The following PLEKHG7 variants were observed in gnomAD, a reference collection of about 807,000 sequenced individuals.
The protein encoded by PLEKHG7 is pleckstrin homology and RhoGEF domain containing G7.
Under a neutral mutation model 85.2 loss-of-function variants are expected in PLEKHG7, and 77 were observed. The observed-to-expected ratio is 0.90, with a 90% CI of 0.75 to 1.09. The LOEUF is 1.09. Ranked by LOEUF, PLEKHG7 falls within the 50% of genes least tolerant of loss-of-function variation. The pLI, the probability that PLEKHG7 is intolerant of heterozygous loss-of-function variation, is 0.00. For synonymous variants in PLEKHG7, 301 were observed against 302.4 expected (o/e 1.00, Z 0.05); for missense variants, 777 against 804.3 (o/e 0.97, Z 0.41).
chr12:92,726,240 G>A (rs1871813195), intron 3 of PLEKHG7, among the ~76,000 whole-genome samples: 1 of 152,158 alleles, frequency 6.6e-6, no homozygotes, highest in Non-Finnish European at 1.5e-5. Flanking sequence ...AATGGAAAGA[G>A]CAGAGGAAGG....
intron 14 of PLEKHG7, among the ~76,000 whole-genome samples, chr12:92,762,094 T>A (rs1432142598): frequency 6.6e-6 from 1 of 152,188 alleles, no homozygotes; most frequent in African/African-American, 2.4e-5. Flanking sequence ...TTAGAACAAC[T>A]TAATCTATAT....
At chr12:92,715,101 A>G (rs963649519) in intron 3 of PLEKHG7, among the ~76,000 whole-genome samples, 3 of 152,168 alleles carry the variant, frequency 2.0e-5, no homozygotes, top group Non-Finnish European at 4.4e-5. Context: ...CATGATCACG[A>G]GGTCCCACAA....
chr12:92,735,645 C>G (rs191188221), intron 5 of PLEKHG7, among the ~76,000 whole-genome samples: 4 of 152,272 alleles, frequency 2.6e-5, no homozygotes, highest in Admixed American at 2.0e-4. Flanking sequence ...GTAAAATGAA[C>G]TCTTTAAGTG....
chr12:92,766,036 C>G (rs1292621026), intron 15 of PLEKHG7, among the ~76,000 whole-genome samples: 1 of 152,170 alleles, frequency 6.6e-6, no homozygotes, highest in Non-Finnish European at 1.5e-5. Flanking sequence ...CCAAGCCAGA[C>G]AGCAGTTCAG....
intron 3 of PLEKHG7, among the ~76,000 whole-genome samples, chr12:92,721,062 T>C (rs940706073): frequency 1.3e-5 from 2 of 152,184 alleles, no homozygotes; most frequent in African/African-American, 2.4e-5. Flanking sequence ...ATAAGAACAG[T>C]AATATCCACT....
At chr12:92,707,990 A>G (rs1369593278) in intron 3 of PLEKHG7, 2 of 403,498 alleles carry the variant, frequency 5.0e-6, no homozygotes, top group Non-Finnish European at 8.9e-6. Flanking sequence ...GAAAATAGAA[A>G]GGCCAGAGAT....
At chr12:92,715,058 AG>A (rs1871442666) in intron 3 of PLEKHG7, among the ~76,000 whole-genome samples, 1 of 152,070 alleles carries the variant, frequency 6.6e-6, no homozygotes, top group Non-Finnish European at 1.5e-5. Flanking sequence ...ATAGATAGAT[AG>A]ATAGATAAAG....
intron 16 of PLEKHG7, among the ~76,000 whole-genome samples, chr12:92,769,710 C>G (rs1873344204): frequency 6.6e-6 from 1 of 152,222 alleles, no homozygotes. Context: ...CCCTCAGTCT[C>G]TTTCAAGTTA....
intron 3 of PLEKHG7, among the ~76,000 whole-genome samples, chr12:92,727,413 C>T (rs138061145): frequency 6.6e-6 from 1 of 152,154 alleles, no homozygotes; most frequent in Non-Finnish European, 1.5e-5. Flanking sequence ...ACTTCCCTCC[C>T]ACCTCACCCC....
At chr12:92,749,957 A>ATATTTTATTT (rs5800081) in intron 10 of PLEKHG7, among the ~76,000 whole-genome samples, 1 of 121,154 alleles carries the variant, frequency 8.3e-6, no homozygotes, top group Non-Finnish European at 1.7e-5. Flanking sequence ...ATTTTATTTT[A>ATATTTTATTT]TATTTTATTT....
chr12:92,744,812 C>G (rs1336112008), intron 9 of PLEKHG7, among the ~76,000 whole-genome samples: 1 of 151,966 alleles, frequency 6.6e-6, no homozygotes, highest in South Asian at 2.1e-4. Context: ...ACTACAGGCC[C>G]ATGCTGCCAT....
chr12:92,734,570 A>T (rs1565790743), intron 5 of PLEKHG7, among the ~76,000 whole-genome samples: 1 of 152,230 alleles, frequency 6.6e-6, no homozygotes. Context: ...GCTATGGAGC[A>T]TGCAGCAGTT....
chr12:92,705,004 G>A (rs1196190379), intron 1 of PLEKHG7, among the ~76,000 whole-genome samples: 1 of 152,144 alleles, frequency 6.6e-6, no homozygotes. Flanking sequence ...TCTACTGATA[G>A]GAATAGATCT....
chr12:92,728,934 A>G, intron 3 of PLEKHG7, 59 bp from the exon 4 acceptor site: 1 of 1,184,066 alleles, frequency 8.4e-7, no homozygotes, highest in Non-Finnish European at 1.1e-6. Context: ...AAAAATAGCC[A>G]TTCTGAGTGG....
chr12:92,755,999 A>G (rs1043776771), intron 12 of PLEKHG7, 59 bp downstream of exon 12: 1 of 1,166,022 alleles, frequency 8.6e-7, no homozygotes, highest in African/African-American at 1.6e-5. Flanking sequence ...GCATTCAGAT[A>G]GAAATACAAT....
chr12:92,758,660 G>A lies in PLEKHG7; in HGVS notation c.1636+2269G>A, dbSNP rs527476816. Among the ~76,000 whole-genome samples, 154 of 152,340 alleles carry A rather than the reference G, an allele frequency of 1.0e-3. 1 individual carries two copies. The highest frequency in any genetic ancestry group is 3.3e-3 in the African/African-American group (138 of 41,572). On this transcript the variant is annotated intron_variant, in intron 13 of 16. Coordinates refer to ENST00000344636, the MANE Select transcript of PLEKHG7 (RefSeq NM_001377329.1). ...AATGCTTCTTGTACAGTCAAATGTGGTAGTATGGACATGAACTACATAATG... is the reference window on the plus strand; with the variant it reads ...AATGCTTCTTGTACAGTCAAATGTGATAGTATGGACATGAACTACATAATG...
chr12:92,757,644 T>C (rs1163690240), intron 13 of PLEKHG7, among the ~76,000 whole-genome samples: 1 of 152,154 alleles, frequency 6.6e-6, no homozygotes, highest in Non-Finnish European at 1.5e-5. Flanking sequence ...TTTAATCCCT[T>C]GTTATAGGTG....
chr12:92,750,938 GTC>G (rs1872675038), intron 10 of PLEKHG7, among the ~76,000 whole-genome samples: 1 of 127,812 alleles, frequency 7.8e-6, no homozygotes, highest in Non-Finnish European at 1.6e-5. Context: ...GACCTACCCT[GTC>G]TCAATAAATA....
intron 15 of PLEKHG7, among the ~76,000 whole-genome samples, chr12:92,765,000 C>G (rs1267053047): frequency 6.6e-6 from 1 of 152,012 alleles, no homozygotes. Context: ...ACTTCCTGTC[C>G]CCATTGGAGG....
Sources: allele counts gnomAD v4.1 joint callset (sites outside exome capture counted in the v4.1 genomes callset), GRCh38; gene constraint gnomAD v4.1.1; transcripts MANE v1.5; gene names NCBI Gene and HGNC (gene_info 2026-07-23, HGNC 2026-07-21).